GABRA2: variants seen among roughly 807,000 people sequenced by gnomAD.
GABRA2 encodes gamma-aminobutyric acid type A receptor subunit alpha2.
Under a neutral mutation model 48.7 loss-of-function variants are expected in GABRA2, and 16 were observed. That is an observed-to-expected ratio of 0.33 (90% CI 0.22 to 0.50). GABRA2 has a LOEUF of 0.50. GABRA2 is among the 20% of genes least tolerant of loss of function. The pLI is 0.98. For synonymous variants in GABRA2, 185 were observed against 184.5 expected, an observed-to-expected ratio of 1.00 and a Z score of -0.02; for missense variants, 275 against 535.6, an observed-to-expected ratio of 0.51 and a Z score of 4.80.
In GABRA2 at chr4:46,303,541, G is replaced by A. The variant is rs775666111; in HGVS notation, c.775C>T (p.Leu259=). The A allele has an allele frequency of 6.2e-7, 1 of 1,613,782 alleles. No homozygotes were observed. Among genetic ancestry groups the A allele is most frequent in the Non-Finnish European group, 8.5e-7 (1 of 1,179,714 alleles). Residue 259 remains leucine (L), a synonymous_variant, in exon 8 of 10, where the codon CTG becomes TTG. Coordinates refer to ENST00000381620, the MANE Select transcript of GABRA2 (RefSeq NM_000807.4). ...AGAATGACAGTCATGATGCAAGGCA[G>A]ATAGGTTTGAATCACAAAATACCCA... ...KIGYFVIQTY[L]PCIMTVILSQ...
At chr4:46,310,054 T>A in intron 6 of GABRA2, 119 bp downstream of exon 6, 1 of 660,014 alleles carries the variant, frequency 1.5e-6, no homozygotes, top group Non-Finnish European at 2.7e-6. Flanking sequence ...TACTTCCAAG[T>A]CTTATTGACA....
At chr4:46,270,505 C>T (rs1199107754) in intron 8 of GABRA2, among the ~76,000 whole-genome samples, 4 of 151,948 alleles carry the variant, frequency 2.6e-5, no homozygotes, top group Non-Finnish European at 5.9e-5. Flanking sequence ...CTTAGCATTT[C>T]TTTAACAGAC....
At chr4:46,380,491 C>G (rs963903802) in intron 3 of GABRA2, among the ~76,000 whole-genome samples, 1 of 152,098 alleles carries the variant, frequency 6.6e-6, no homozygotes, top group South Asian at 2.1e-4. Flanking sequence ...CCAACAATAA[C>G]GATAATAATT....
In GABRA2 at chr4:46,377,482, G is replaced by A. The variant is rs1409524182; in HGVS notation, c.187+8592C>T. ...GGCAACCGCCCCGTCTGAGAAGTGA[G>A]GAGCCCCTCCGCCCAGCAACCGCCC... On this transcript the variant is annotated intron_variant, in intron 3 of 9. Transcript: ENST00000381620. Among the ~76,000 whole-genome samples, 27 of 133,570 alleles carry A rather than the reference G, an allele frequency of 2.0e-4. No individual in the cohort carries two copies. The East Asian group carries it at 6.0e-3, about 30-fold the overall frequency. 87.6% of individuals were successfully genotyped at this position (133,570 alleles called of 152,430 possible). A position where few individuals can be genotyped will look rare whatever the true frequency, so the allele number is the denominator to read the frequency against.
chr4:46,378,212 G>A (rs55988844), intron 3 of GABRA2, among the ~76,000 whole-genome samples: 26 of 151,932 alleles, frequency 1.7e-4, no homozygotes, highest in African/African-American at 5.6e-4. Context: ...TTTGTGGAAT[G>A]GAAAGGGGGG....
intron 4 of GABRA2, among the ~76,000 whole-genome samples, chr4:46,329,938 T>G (rs1731048168): frequency 6.6e-6 from 1 of 152,124 alleles, no homozygotes. Flanking sequence ...GGAAATGTAT[T>G]ATTAGGGAAA....
intron 3 of GABRA2, among the ~76,000 whole-genome samples, chr4:46,348,580 G>A (rs552411999): frequency 2.0e-5 from 3 of 152,078 alleles, no homozygotes; most frequent in East Asian, 3.9e-4. Context: ...ATACACCATG[G>A]AATACTATGC....
chr4:46,379,563 G>T (rs1167391341), intron 3 of GABRA2, among the ~76,000 whole-genome samples: 1 of 152,162 alleles, frequency 6.6e-6, no homozygotes, highest in Admixed American at 6.5e-5. Context: ...GGAGCCTAGT[G>T]GGTGGATCTC....
chr4:46,256,049 T>A (rs1275494721), intron 9 of GABRA2: 12 of 412,560 alleles, frequency 2.9e-5, no homozygotes, highest in Non-Finnish European at 3.0e-5. Flanking sequence ...AAATCTATGC[T>A]TTTTCTACCA....
chr4:46,334,935 T>C (rs1051977643), intron 3 of GABRA2, among the ~76,000 whole-genome samples: 1 of 152,202 alleles, frequency 6.6e-6, no homozygotes, highest in Admixed American at 6.5e-5. Flanking sequence ...GGGAAAGGTA[T>C]TCTTAACAAT....
intron 3 of GABRA2, among the ~76,000 whole-genome samples, chr4:46,339,168 C>T (rs1012180064): frequency 1.3e-5 from 2 of 151,870 alleles, no homozygotes; most frequent in African/African-American, 4.8e-5. Flanking sequence ...CCATATATAT[C>T]TACTCCTATG....
chr4:46,267,951 T>C lies in GABRA2; in HGVS notation c.857-5823A>G, dbSNP rs578092867. ...TTATGGATGCTGAACCAGTATGTAT[T>C]CTACAAACGTTCCAAAATCCAAAAA... On this transcript the variant is annotated intron_variant, in intron 8 of 9. Coordinates refer to ENST00000381620, the MANE Select transcript of GABRA2 (RefSeq NM_000807.4). Among the ~76,000 whole-genome samples the C allele has an allele frequency of 2.0e-5, 3 of 152,120 alleles. No individual in the cohort carries two copies. In the South Asian group the frequency reaches 6.2e-4, roughly 32 times the overall value.
At chr4:46,260,009 C>T (rs1716630189) in intron 9 of GABRA2, among the ~76,000 whole-genome samples, 1 of 151,788 alleles carries the variant, frequency 6.6e-6, no homozygotes, top group Non-Finnish European at 1.5e-5. Flanking sequence ...GGATAGAATA[C>T]CCACTGATAA....
chr4:46,386,277 A>G (rs1427887139), intron 2 of GABRA2, 88 bp from the exon 3 acceptor site: 19 of 765,824 alleles, frequency 2.5e-5, no homozygotes, highest in Non-Finnish European at 4.1e-5. Context: ...TTAAATTTTA[A>G]CACTCCCTGA....
chr4:46,285,808 T>C (rs1466119220), intron 8 of GABRA2, among the ~76,000 whole-genome samples: 1 of 152,032 alleles, frequency 6.6e-6, no homozygotes, highest in East Asian at 1.9e-4. Context: ...TATTTTCACA[T>C]TTGGCCATAC....
chr4:46,262,845 C>A (rs747230606), intron 8 of GABRA2, among the ~76,000 whole-genome samples: 10 of 150,952 alleles, frequency 6.6e-5, no homozygotes, highest in Non-Finnish European at 1.0e-4. Context: ...TGCAGTGAAC[C>A]GAGATCACGA....
intron 8 of GABRA2, among the ~76,000 whole-genome samples, chr4:46,285,650 G>T (rs1230498634): frequency 6.6e-6 from 1 of 151,804 alleles, no homozygotes; most frequent in East Asian, 1.9e-4. Flanking sequence ...ATTAATTTAG[G>T]TCTTTCTAAA....
At chr4:46,372,498 A>G (rs2110005465) in intron 3 of GABRA2, among the ~76,000 whole-genome samples, 2 of 152,246 alleles carry the variant, frequency 1.3e-5, no homozygotes, top group Middle Eastern at 6.8e-3. Context: ...TAAAAAAAAT[A>G]AAGAGTCGAT....
chr4:46,280,698 A>T (rs1721368485), intron 8 of GABRA2, among the ~76,000 whole-genome samples: 1 of 152,274 alleles, frequency 6.6e-6, no homozygotes, highest in African/African-American at 2.4e-5. Flanking sequence ...CCAAATCCAT[A>T]TGTTAAAGTC....
Sources: allele counts gnomAD v4.1 joint callset (sites outside exome capture counted in the v4.1 genomes callset), GRCh38; gene constraint gnomAD v4.1.1; transcripts MANE v1.5; gene names NCBI Gene and HGNC (gene_info 2026-07-23, HGNC 2026-07-21).